Variants in AFG1L observed in about 807,000 individuals in gnomAD.
The protein encoded by AFG1L is AFG1-like ATPase.
A neutral mutation model predicts 62.2 loss-of-function variants in AFG1L; 53 were observed. That is an observed-to-expected ratio of 0.85 (90% CI 0.68 to 1.07). The LOEUF is 1.07. Among genes scored for constraint, AFG1L ranks in the 50% least tolerant of loss-of-function variants. The probability of loss-of-function intolerance (pLI) is 0.00; values close to 1 mark genes in which losing one functional copy is unlikely to be tolerated. For missense variants in AFG1L, 555 were observed against 590.5 expected (o/e 0.94, Z 0.62); for synonymous variants, 228 against 210.3 (o/e 1.08, Z -0.73).
intron 6 of AFG1L, among the ~76,000 whole-genome samples, chr6:108,395,866 T>C (rs1781274807): frequency 6.6e-6 from 1 of 150,670 alleles, no homozygotes; most frequent in Admixed American, 6.6e-5. Context: ...AGTCTTGCTC[T>C]GTCACCCAGG....
chr6:108,297,963 A>T (rs1239749080), intron 1 of AFG1L, among the ~76,000 whole-genome samples: 1 of 151,556 alleles, frequency 6.6e-6, no homozygotes, highest in African/African-American at 2.4e-5. Context: ...CCAGCATTTG[A>T]TGAGCCCCTT....
At chr6:108,358,925 T>C (rs1779409175) in intron 5 of AFG1L, among the ~76,000 whole-genome samples, 1 of 152,214 alleles carries the variant, frequency 6.6e-6, no homozygotes, top group Admixed American at 6.5e-5. Context: ...AAGCACATGA[T>C]CCTGAAGAAG....
At chr6:108,365,684 G>GT (rs979644657) in intron 5 of AFG1L, among the ~76,000 whole-genome samples, 31 of 152,052 alleles carry the variant, frequency 2.0e-4, no homozygotes, top group African/African-American at 7.2e-4. Context: ...TTGCACAATA[G>GT]TATCTATGTC....
At chr6:108,339,340 A>G (rs911855976) in intron 2 of AFG1L, among the ~76,000 whole-genome samples, 2 of 152,008 alleles carry the variant, frequency 1.3e-5, no homozygotes, top group African/African-American at 4.8e-5. Flanking sequence ...GAGTTTCACC[A>G]TGTTGGCCAG....
chr6:108,324,497 A>G (rs1015021741), intron 2 of AFG1L, among the ~76,000 whole-genome samples: 39 of 152,236 alleles, frequency 2.6e-4, no homozygotes, highest in African/African-American at 8.7e-4. Context: ...GGGCCTTTGT[A>G]TGGTAGATGC....
At chr6:108,317,993 T>C (rs939340128) in intron 1 of AFG1L, 3 of 153,116 alleles carry the variant, frequency 2.0e-5, no homozygotes, top group Non-Finnish European at 4.4e-5. Flanking sequence ...AGGAGAATTT[T>C]ATTTGTTCCA....
intron 2 of AFG1L, among the ~76,000 whole-genome samples, chr6:108,330,178 T>TTTA (rs1778214786): frequency 1.2e-5 from 1 of 81,030 alleles, no homozygotes; most frequent in Non-Finnish European, 3.7e-5. Flanking sequence ...TAAATTCCTT[T>TTTA]TTTATTTTTT....
At chr6:108,339,798 A>G (rs1443109457) in intron 2 of AFG1L, among the ~76,000 whole-genome samples, 2 of 152,076 alleles carry the variant, frequency 1.3e-5, no homozygotes, top group Non-Finnish European at 2.9e-5. Context: ...AGGTGTATAT[A>G]TTTATGGGGT....
intron 10 of AFG1L, among the ~76,000 whole-genome samples, chr6:108,484,144 A>T (rs2114832855): frequency 6.6e-6 from 1 of 152,322 alleles, no homozygotes; most frequent in South Asian, 2.1e-4. Flanking sequence ...GCATCAAGGA[A>T]TAAGGGCATT....
intron 10 of AFG1L, among the ~76,000 whole-genome samples, chr6:108,504,776 G>GA (rs1774335005): frequency 6.6e-6 from 1 of 152,184 alleles, no homozygotes; most frequent in Non-Finnish European, 1.5e-5. Flanking sequence ...AGAAAGAAGA[G>GA]AAAAACATGG....
chr6:108,499,820 C>G (rs1562197677), intron 10 of AFG1L, among the ~76,000 whole-genome samples: 1 of 151,968 alleles, frequency 6.6e-6, no homozygotes, highest in African/African-American at 2.4e-5. Flanking sequence ...ATAATAGATT[C>G]AGGGGGTACA....
intron 2 of AFG1L, among the ~76,000 whole-genome samples, chr6:108,332,415 A>G (rs930609210): frequency 1.3e-5 from 2 of 152,236 alleles, no homozygotes; most frequent in African/African-American, 4.8e-5. Context: ...TTGATATATG[A>G]TTGAGTTGAC....
chr6:108,357,495 T>C (rs1779337644), intron 5 of AFG1L, among the ~76,000 whole-genome samples: 1 of 152,240 alleles, frequency 6.6e-6, no homozygotes, highest in African/African-American at 2.4e-5. Context: ...CAGTCTTTTA[T>C]ACAAAAAGTC....
chr6:108,359,145 A>T (rs1414890752), intron 5 of AFG1L: 1 of 152,140 alleles, frequency 6.6e-6, no homozygotes, highest in Non-Finnish European at 1.5e-5. Flanking sequence ...TTTTTAATTG[A>T]GGATGGGGCT....
At position 108,329,353 on chromosome 6, in the gene AFG1L, C is replaced by T. The variant is rs1301182972; in HGVS notation, c.363+5305C>T. Among the ~76,000 whole-genome samples, 3 of 151,932 alleles carry T rather than the reference C, an allele frequency of 2.0e-5. No homozygotes were observed. The East Asian group carries it at 5.8e-4, about 29-fold the overall frequency. ...TCACTCTGTCACCCAGGCTGGAGTG[C>T]AATGGTGCGATCTTGGCTCACTGCA... On this transcript the variant is annotated intron_variant, in intron 2 of 12. Transcript: ENST00000368977.
At chr6:108,320,313 T>C (rs571323462) in intron 1 of AFG1L, among the ~76,000 whole-genome samples, 52 of 152,296 alleles carry the variant, frequency 3.4e-4, no homozygotes, top group Non-Finnish European at 6.0e-4. Context: ...CAAAGCTGGA[T>C]TAAAAGATTT....
intron 8 of AFG1L, among the ~76,000 whole-genome samples, chr6:108,463,647 G>A (rs558232563): frequency 1.3e-5 from 2 of 152,234 alleles, no homozygotes; most frequent in South Asian, 2.1e-4. Flanking sequence ...TCTGCATAAT[G>A]TACAGGTCAA....
chr6:108,389,325 T>C (rs1258087219), intron 6 of AFG1L, among the ~76,000 whole-genome samples: 2 of 152,226 alleles, frequency 1.3e-5, no homozygotes, highest in Non-Finnish European at 2.9e-5. Context: ...TCTTGACTCT[T>C]TATCCAATTT....
At chr6:108,412,712 T>C (rs1181927159) in intron 7 of AFG1L, among the ~76,000 whole-genome samples, 1 of 152,116 alleles carries the variant, frequency 6.6e-6, no homozygotes, top group East Asian at 1.9e-4. Context: ...GACAAACAAC[T>C]GCTGACAGGT....
Sources: gnomAD v4.1 joint callset for allele counts (sites outside exome capture counted in the v4.1 genomes callset) on GRCh38, gnomAD v4.1.1 for gene constraint, MANE v1.5 for transcripts, NCBI Gene and HGNC (gene_info 2026-07-23, HGNC 2026-07-21) for gene names.